Variants in ADAM12 observed in about 807,000 individuals in gnomAD.
The protein encoded by ADAM12 is ADAM metallopeptidase domain 12.
A neutral mutation model predicts 106.4 loss-of-function variants in ADAM12; 70 were observed. The ratio of observed to expected loss-of-function variants is 0.66; its 90% confidence interval spans 0.54 to 0.80. The LOEUF (loss-of-function observed/expected upper bound fraction) is 0.80, where lower values mean the gene tolerates loss of function less well. Ranked by LOEUF, ADAM12 falls within the 30% of genes least tolerant of loss-of-function variation. The pLI, the probability that ADAM12 is intolerant of heterozygous loss-of-function variation, is 0.00. For missense variants in ADAM12, 1,010 were observed against 1,171.9 expected, an observed-to-expected ratio of 0.86 and a Z score of 2.02; for synonymous variants, 420 against 433.5, an observed-to-expected ratio of 0.97 and a Z score of 0.39.
At chr10:126,165,250 A>C (rs1396251001) in intron 3 of ADAM12, among the ~76,000 whole-genome samples, 1 of 152,026 alleles carries the variant, frequency 6.6e-6, no homozygotes, top group Non-Finnish European at 1.5e-5. Flanking sequence ...TCACTGCGAC[A>C]TCTACCTCCC....
chr10:126,037,745 GA>G (rs1954085133), intron 20 of ADAM12, among the ~76,000 whole-genome samples: 1 of 152,186 alleles, frequency 6.6e-6, no homozygotes, highest in African/African-American at 2.4e-5. Context: ...CCACAGGGTG[GA>G]CAGGGCTTCC....
chr10:126,364,297 C>T (rs1371250441), intron 1 of ADAM12, among the ~76,000 whole-genome samples: 1 of 151,562 alleles, frequency 6.6e-6, no homozygotes, highest in Non-Finnish European at 1.5e-5. Context: ...TGTTTGTACA[C>T]ATTTTTATAG....
chr10:126,182,986 C>T (rs765492312), intron 3 of ADAM12, among the ~76,000 whole-genome samples: 1 of 152,168 alleles, frequency 6.6e-6, no homozygotes, highest in Non-Finnish European at 1.5e-5. Flanking sequence ...ACAGCCACTC[C>T]TCATTGCTTA....
chr10:126,028,244 A>G (rs57252121), intron 21 of ADAM12, among the ~76,000 whole-genome samples: 3,161 of 152,282 alleles, frequency 0.021, 95 homozygotes, highest in African/African-American at 0.068. Context: ...GAAAATGGCC[A>G]TACTGCCCAA....
At chr10:126,314,715 G>A (rs956304363) in intron 2 of ADAM12, among the ~76,000 whole-genome samples, 3 of 152,150 alleles carry the variant, frequency 2.0e-5, no homozygotes, top group African/African-American at 7.2e-5. Flanking sequence ...CTTCAGAATT[G>A]AAGTCAAGCC....
intron 17 of ADAM12, 61 bp downstream of exon 17, chr10:126,045,994 G>C (rs1954306755): frequency 5.6e-6 from 8 of 1,435,828 alleles, no homozygotes; most frequent in Admixed American, 1.7e-5. Context: ...TTTTACAAAT[G>C]AATGTATTAT....
At chr10:126,096,391 C>A (rs1431791953) in intron 10 of ADAM12, among the ~76,000 whole-genome samples, 1 of 152,182 alleles carries the variant, frequency 6.6e-6, no homozygotes, top group African/African-American at 2.4e-5. Flanking sequence ...GAAAAAATAT[C>A]TCTTTATTCA....
intron 18 of ADAM12, among the ~76,000 whole-genome samples, chr10:126,040,102 G>C (rs1954134020): frequency 6.6e-6 from 1 of 152,080 alleles, no homozygotes; most frequent in South Asian, 2.1e-4. Flanking sequence ...CTGCCATTTT[G>C]TTTAATACAG....
At chr10:126,075,584 T>C (rs1488356632) in intron 11 of ADAM12, among the ~76,000 whole-genome samples, 1 of 152,080 alleles carries the variant, frequency 6.6e-6, no homozygotes, top group Non-Finnish European at 1.5e-5. Context: ...AGGGTGTGTA[T>C]TGAACTTTTA....
intron 3 of ADAM12, among the ~76,000 whole-genome samples, chr10:126,205,461 G>T (rs1175084417): frequency 6.6e-6 from 1 of 152,178 alleles, no homozygotes; most frequent in East Asian, 1.9e-4. Context: ...AGCAAGAGTT[G>T]TAAAACCTAA....
At chr10:126,352,437 A>G (rs1855395598) in intron 1 of ADAM12, among the ~76,000 whole-genome samples, 1 of 152,256 alleles carries the variant, frequency 6.6e-6, no homozygotes, top group Non-Finnish European at 1.5e-5. Context: ...ATAAATTAAG[A>G]AAAATTAAGA....
intron 1 of ADAM12, among the ~76,000 whole-genome samples, chr10:126,376,161 AT>A (rs1445430223): frequency 2.6e-5 from 4 of 152,186 alleles, no homozygotes; most frequent in Admixed American, 1.3e-4. Context: ...CTTTCAGGTG[AT>A]TATTCTCTTA....
chr10:126,067,553 T>C (rs983098453), intron 12 of ADAM12, among the ~76,000 whole-genome samples: 4 of 152,256 alleles, frequency 2.6e-5, no homozygotes, highest in Admixed American at 6.5e-5. Context: ...CACGTACCCA[T>C]TGCTTCCATT....
chr10:126,050,900 G>A (rs538020635), intron 14 of ADAM12, among the ~76,000 whole-genome samples: 1 of 152,202 alleles, frequency 6.6e-6, no homozygotes, highest in Admixed American at 6.5e-5. Flanking sequence ...AGAAGCCTCT[G>A]CAATCTCTTT....
chr10:126,154,140 T>C (rs1188342561), intron 4 of ADAM12, among the ~76,000 whole-genome samples: 1 of 152,200 alleles, frequency 6.6e-6, no homozygotes, highest in Non-Finnish European at 1.5e-5. Flanking sequence ...CCAGGCCCTC[T>C]TTCTGGGTCT....
intron 3 of ADAM12, among the ~76,000 whole-genome samples, chr10:126,269,263 T>A (rs181922977): frequency 6.6e-6 from 1 of 152,172 alleles, no homozygotes; most frequent in African/African-American, 2.4e-5. Context: ...ATGACCTGTA[T>A]TTTGTGCCAA....
intron 1 of ADAM12, among the ~76,000 whole-genome samples, chr10:126,358,813 A>G (rs1181107121): frequency 2.0e-5 from 3 of 152,234 alleles, no homozygotes; most frequent in Non-Finnish European, 4.4e-5. Flanking sequence ...AGGATACAAA[A>G]TAAACAAAAA....
chr10:126,234,726 G>C (rs775344305), intron 3 of ADAM12, among the ~76,000 whole-genome samples: 1 of 152,228 alleles, frequency 6.6e-6, no homozygotes, highest in Non-Finnish European at 1.5e-5. Flanking sequence ...AGGAGTTGGA[G>C]AGGCAAGAAT....
intron 2 of ADAM12, among the ~76,000 whole-genome samples, chr10:126,279,814 T>C (rs1404339502): frequency 6.6e-6 from 1 of 151,952 alleles, no homozygotes; most frequent in African/African-American, 2.4e-5. Context: ...CAAGGAGACC[T>C]CATTCTTCCT....
Sources: gnomAD v4.1 joint callset for allele counts (sites outside exome capture counted in the v4.1 genomes callset) on GRCh38, gnomAD v4.1.1 for gene constraint, MANE v1.5 for transcripts, NCBI Gene and HGNC (gene_info 2026-07-23, HGNC 2026-07-21) for gene names.